Variants in GPAM observed in about 807,000 individuals in gnomAD.
GPAM encodes the protein glycerol-3-phosphate acyltransferase 1, mitochondrial.
Under a neutral mutation model 105.0 loss-of-function variants are expected in GPAM, and 56 were observed. The observed-to-expected ratio is 0.53, with a 90% CI of 0.43 to 0.67. GPAM has a LOEUF of 0.67. Among genes scored for constraint, GPAM ranks in the 30% least tolerant of loss-of-function variants. GPAM has a pLI of 0.00. For synonymous variants in GPAM, 368 were observed against 354.4 expected, an observed-to-expected ratio of 1.04 and a Z score of -0.43; for missense variants, 855 against 989.8, an observed-to-expected ratio of 0.86 and a Z score of 1.83.
rs900698842 is a variant in GPAM, at chr10:112,152,471, G to A, written c.*1079C>T. On this transcript the variant is annotated 3_prime_UTR_variant, in exon 22 of 22. Transcript: ENST00000348367. ...TGCCTCTAACCATTACCAGTCAGTA[G>A]GGCCACCACATGCATATACTGGACA... 1.0e-6 allele frequency: 1 copy of A among 985,258 alleles called. No homozygotes were observed. Among genetic ancestry groups the A allele is most frequent in the Non-Finnish European group, 1.2e-6 (1 of 829,814 alleles). 61.0% of individuals were successfully genotyped at this position (985,258 alleles called of 1,614,324 possible).
At chr10:112,173,111 G>T (rs143747644) in intron 7 of GPAM, 45 bp from the exon 8 acceptor site, 4 of 1,092,696 alleles carry the variant, frequency 3.7e-6, no homozygotes, top group Non-Finnish European at 4.3e-6. Context: ...ATGAACACAC[G>T]TTATTTTTAC....
Position 112,173,744 on chromosome 10 carries a change from C to A in GPAM, c.515G>T (p.Arg172Met), listed in dbSNP as rs143409948. ...AGTGGCAACCATTTCTTGAAGAATC[C>A]TTTTAGCTTTCTTTTTCACTTTGTT... ...AVNKVKKKAKRILQEMVATVS... is the reference protein window; with the variant it reads ...AVNKVKKKAKMILQEMVATVS... The change falls in exon 7 of 22, where the codon AGG becomes ATG. Residue 172 changes from arginine (R) to methionine (M), a missense_variant. By Grantham distance (91) the Arg-to-Met change is moderately conservative (BLOSUM62 -1). Transcript: ENST00000348367. 241 of 1,613,864 alleles carry A rather than the reference C, an allele frequency of 1.5e-4. No individual in the cohort carries two copies. In the East Asian group the frequency reaches 4.3e-3, roughly 29 times the overall value.
the GPAM span, among the ~76,000 whole-genome samples, chr10:112,227,644 G>C: frequency 8.0e-3 from 1,221 of 152,308 alleles, 94 homozygotes; most frequent in East Asian, 0.18. Context: ...CTGAAGACAC[G>C]CACTGAGCAG....
intron 5 of GPAM, among the ~76,000 whole-genome samples, chr10:112,177,451 G>A (rs146099544): frequency 6.6e-6 from 1 of 152,280 alleles, no homozygotes; most frequent in African/African-American, 2.4e-5. Flanking sequence ...CCTAGAGTCA[G>A]ATAAAACAAA....
At position 112,172,307 on chromosome 10, in the gene GPAM, C is replaced by T. The variant is rs367757160; in HGVS notation, c.669G>A (p.Pro223=). 24 of 1,612,774 alleles carry T rather than the reference C, an allele frequency of 1.5e-5. No homozygotes were observed. The highest frequency in any genetic ancestry group is 1.1e-4 in the African/African-American group (8 of 74,882). Residue 223 remains proline, a synonymous_variant, in exon 9 of 22, where the codon CCG becomes CCA. Transcript: ENST00000348367. ...ATCTATGAACTGGTAGAAACAGAAGCGGCAAATTCGTCTAGCAAAGGGAAA... is the reference window on the plus strand; with the variant it reads ...ATCTATGAACTGGTAGAAACAGAAGTGGCAAATTCGTCTAGCAAAGGGAAA... ...MVKAATETNL[P]LLFLPVHRSH...
chr10:112,156,033 G>A lies in GPAM; in HGVS notation c.2142C>T (p.His714=). 1.2e-6 allele frequency: 2 copies of A among 1,612,818 alleles called. No homozygotes were observed. Among genetic ancestry groups the A allele is most frequent in the Non-Finnish European group, 1.7e-6 (2 of 1,179,136 alleles). ...TCTGTAAGAAGGTGATAAACTGCTG[G>A]TGCTCCTTGGATTGGCTCACCTGAG... ...CYLKVSQSKE[H]QQFITFLQRL... Residue 714 remains histidine (H), a synonymous_variant, in exon 20 of 22, where the codon CAC becomes CAT. Transcript: ENST00000348367.
chr10:112,160,396 G>C, intron 16 of GPAM: 1 of 953,486 alleles, frequency 1.0e-6, no homozygotes, highest in Non-Finnish European at 1.2e-6. Flanking sequence ...TGAAAAATAA[G>C]GGTAATGCTA....
intron 1 of GPAM, among the ~76,000 whole-genome samples, chr10:112,212,939 T>G (rs888058285): frequency 1.3e-5 from 2 of 152,236 alleles, no homozygotes; most frequent in Non-Finnish European, 2.9e-5. Flanking sequence ...GGCGAAAGCC[T>G]GTAAGTGCTT....
chr10:112,173,474 T>C (rs1289085645), intron 7 of GPAM, among the ~76,000 whole-genome samples: 8 of 152,196 alleles, frequency 5.3e-5, no homozygotes, highest in Non-Finnish European at 8.8e-5. Flanking sequence ...TAGTAATACA[T>C]TGGCTGCTAT....
At chr10:112,157,146 A>ATC in intron 19 of GPAM, 103 bp downstream of exon 19, 1 of 1,016,536 alleles carries the variant, frequency 9.8e-7, no homozygotes, top group Non-Finnish European at 1.6e-6. Context: ...TAGTTGGGGG[A>ATC]TTCTTTAGAT....
At chr10:112,155,819 A>C in intron 20 of GPAM, 45 bp downstream of exon 20, 1 of 1,299,758 alleles carries the variant, frequency 7.7e-7, no homozygotes, top group Non-Finnish European at 1.1e-6. Flanking sequence ...TGAAATCCAA[A>C]AAAAAAAAAA....
intron 4 of GPAM, among the ~76,000 whole-genome samples, chr10:112,179,827 T>C (rs1847475233): frequency 2.0e-5 from 3 of 152,348 alleles, no homozygotes; most frequent in South Asian, 4.1e-4. Context: ...CACAACTACG[T>C]GAAGTTCTTG....
rs1455206766 is a variant in GPAM, at chr10:112,182,854, G to T, written c.-90C>A. Reference sequence around the variant, plus strand: ...CTTCAGGACTCAGCTATCAGTTTCGGGTGCAGAATGTCCATACAACAGGGG... The same window carrying T: ...CTTCAGGACTCAGCTATCAGTTTCGTGTGCAGAATGTCCATACAACAGGGG... On this transcript the variant is annotated 5_prime_UTR_variant, in exon 2 of 22. Coordinates refer to ENST00000348367, the MANE Select transcript of GPAM (RefSeq NM_001244949.2). 4 of 152,184 alleles carry T rather than the reference G, an allele frequency of 2.6e-5. No homozygotes were observed. Among genetic ancestry groups the T allele is most frequent in the African/African-American group, 4.8e-5 (2 of 41,428 alleles). The allele number at this position is 152,184 out of a possible 1,614,324, so 9.4% of individuals were successfully genotyped here. A position where few individuals can be genotyped will look rare whatever the true frequency, so the allele number is the denominator to read the frequency against.
In GPAM at chr10:112,152,598, G is replaced by T. The variant is rs1846939210; in HGVS notation, c.*952C>A. 2 of 985,290 alleles carry T rather than the reference G, an allele frequency of 2.0e-6. No individual in the cohort carries two copies. Among genetic ancestry groups the T allele is most frequent in the Non-Finnish European group, 2.4e-6 (2 of 829,912 alleles). The allele number at this position is 985,290 out of a possible 1,614,324, so 61.0% of individuals were successfully genotyped here. ...AAAGCCCTCATCAGCTGTGGCCAGA[G>T]AACTGTATTCTAACAGTCTGTCAGC... On this transcript the variant is annotated 3_prime_UTR_variant, in exon 22 of 22. Transcript: ENST00000348367.
chr10:112,172,329 G>C lies in GPAM; in HGVS notation c.658-11C>G, dbSNP rs1466283496. 4 of 1,610,642 alleles carry C rather than the reference G, an allele frequency of 2.5e-6. No individual in the cohort carries two copies. In the African/African-American group the frequency reaches 4.0e-5, roughly 16 times the overall value. ...AAGCGGCAAATTCGTCTAGCAAAGG[G>C]AAAAATGCCAAATTTAAAACTCAAA... On this transcript the variant is annotated splice_polypyrimidine_tract_variant and intron_variant, in intron 8 of 21. Coordinates refer to ENST00000348367, the MANE Select transcript of GPAM (RefSeq NM_001244949.2).
At chr10:112,223,318 G>T in the GPAM span, among the ~76,000 whole-genome samples, 1 of 152,160 alleles carries the variant, frequency 6.6e-6, no homozygotes, top group Non-Finnish European at 1.5e-5. Flanking sequence ...AATAGGTGAA[G>T]TGCCTGAGAT....
intron 20 of GPAM, 122 bp from the exon 21 acceptor site, chr10:112,154,809 G>C: frequency 2.4e-6 from 2 of 840,834 alleles, no homozygotes; most frequent in East Asian, 2.6e-5. Flanking sequence ...AGCAGACAAG[G>C]GTGGGGCCCC....
intron 9 of GPAM, among the ~76,000 whole-genome samples, chr10:112,170,043 T>G (rs942639182): frequency 2.6e-5 from 4 of 152,216 alleles, no homozygotes; most frequent in Non-Finnish European, 4.4e-5. Flanking sequence ...AATTATTTCT[T>G]TATATATTAC....
rs1846926926 is a variant in GPAM at position 112,151,918 on chromosome 10, T to C, written c.*1632A>G. The stretch of plus-strand genomic sequence containing the variant: ...GCTACTACAACTGACAATGACTTCA[T>C]GGTATACATCAATTCCTATAAAGAA... On this transcript the variant is annotated 3_prime_UTR_variant, in exon 22 of 22. Coordinates refer to ENST00000348367, the MANE Select transcript of GPAM (RefSeq NM_001244949.2). The C allele has an allele frequency of 1.0e-6, 1 of 976,674 alleles. No individual in the cohort carries two copies. The highest frequency in any genetic ancestry group is 1.2e-6 in the Non-Finnish European group (1 of 822,024). 60.5% of individuals were successfully genotyped at this position (976,674 alleles called of 1,614,324 possible).
Sources: gnomAD v4.1 joint callset for allele counts (sites outside exome capture counted in the v4.1 genomes callset) on GRCh38, gnomAD v4.1.1 for gene constraint, MANE v1.5 for transcripts, NCBI Gene and HGNC (gene_info 2026-07-23, HGNC 2026-07-21) for gene names.